The following GALNT15 variants were observed in gnomAD, a reference collection of about 807,000 sequenced individuals.
GALNT15 encodes polypeptide N-acetylgalactosaminyltransferase 15.
A neutral mutation model predicts 66.8 loss-of-function variants in GALNT15; 67 were observed. That is an observed-to-expected ratio of 1.00 (90% CI 0.82 to 1.23). The LOEUF (loss-of-function observed/expected upper bound fraction) is 1.23, where lower values mean the gene tolerates loss of function less well. Ranked by LOEUF, GALNT15 falls within the 50% of genes most tolerant of loss-of-function variation. The pLI, the probability that GALNT15 is intolerant of heterozygous loss-of-function variation, is 0.00. For synonymous variants in GALNT15, 313 were observed against 311.5 expected (o/e 1.00, Z -0.05); for missense variants, 827 against 804.3 (o/e 1.03, Z -0.34).
At chr3:16,196,044 C>A in intron 2 of GALNT15, 118 bp downstream of exon 2, 1 of 1,009,050 alleles carries the variant, frequency 9.9e-7, no homozygotes. Flanking sequence ...AACTACAGAC[C>A]TCCAGATGAG....
rs1229854265 is a variant in GALNT15, at chr3:16,229,103, C to T, written c.*1603C>T. On this transcript the variant is annotated 3_prime_UTR_variant, in exon 10 of 10. Transcript: ENST00000339732. Reference sequence around the variant, plus strand: ...GCTTAGAAATCTTCCCCTAAAGATGCTAATCTCCTTTGGGCTGTCTCAGAA... The same window carrying T: ...GCTTAGAAATCTTCCCCTAAAGATGTTAATCTCCTTTGGGCTGTCTCAGAA... 1.0e-6 allele frequency: 1 copy of T among 985,300 alleles called. No individual in the cohort carries two copies. Among genetic ancestry groups the T allele is most frequent in the African/African-American group, 1.7e-5 (1 of 57,238 alleles). The allele number at this position is 985,300 out of a possible 1,614,324, so 61.0% of individuals were successfully genotyped here.
chr3:16,222,708 T>C lies in GALNT15; in HGVS notation c.1723T>C (p.Cys575Arg). ...VRQEQVILQN[C>R]TEEGLAIHQQ... Reference sequence around the variant, plus strand: ...GCAGGAGCAGGTGATTCTTCAGAACTGCACGGAGGAAGGCCTGGCCATCCA... The same window carrying C: ...GCAGGAGCAGGTGATTCTTCAGAACCGCACGGAGGAAGGCCTGGCCATCCA... The change falls in exon 9 of 10, where the codon TGC (cysteine) becomes CGC (arginine). Residue 575 changes from cysteine (C) to arginine (R), a missense_variant. Cys to Arg is a radical substitution (Grantham distance 180, BLOSUM62 -3). Transcript: ENST00000339732. 6.2e-7 allele frequency: 1 copy of C among 1,614,240 alleles called. No homozygotes were observed. The highest frequency in any genetic ancestry group is 8.5e-7 in the Non-Finnish European group (1 of 1,180,034).
At chr3:16,194,789 A>T (rs148381279) in intron 1 of GALNT15, among the ~76,000 whole-genome samples, 1 of 152,174 alleles carries the variant, frequency 6.6e-6, no homozygotes, top group Admixed American at 6.5e-5. Flanking sequence ...GTGAGAACAC[A>T]TGGACACAGG....
At chr3:16,212,437 C>T (rs1261164184) in intron 5 of GALNT15, 132 bp from the exon 6 acceptor site, 2 of 810,142 alleles carry the variant, frequency 2.5e-6, no homozygotes, top group Non-Finnish European at 3.9e-6. Flanking sequence ...CCCTGAGGAC[C>T]ATAATCATCT....
At chr3:16,237,718 T>C in the GALNT15 span, among the ~76,000 whole-genome samples, 1 of 152,192 alleles carries the variant, frequency 6.6e-6, no homozygotes, top group African/African-American at 2.4e-5. This position sits in a 1 kb window ranked among gnomAD's most constrained non-coding sequence, Gnocchi z 4.2. Flanking sequence ...GAGTCTCCAG[T>C]CAACTCTTTG....
chr3:16,210,068 CA>C (rs1414725853), intron 4 of GALNT15, among the ~76,000 whole-genome samples: 1 of 152,188 alleles, frequency 6.6e-6, no homozygotes, highest in Non-Finnish European at 1.5e-5. Context: ...ACACTGGTCC[CA>C]CAGGTGTCAG....
chr3:16,201,024 C>T (rs539650807), intron 3 of GALNT15, among the ~76,000 whole-genome samples: 27 of 152,264 alleles, frequency 1.8e-4, no homozygotes, highest in South Asian at 1.0e-3. Flanking sequence ...TCTTCATCTA[C>T]CTTGCTTTAT....
Position 16,188,515 on chromosome 3 carries a change from C to T in GALNT15, c.540-7245C>T, listed in dbSNP as rs536143833. Reference sequence around the variant, plus strand: ...TCCTTTTAGGTGGGCCATGTGGTCTCGGGCTCACTGAAGCACCCACAGGGC... The same window carrying T: ...TCCTTTTAGGTGGGCCATGTGGTCTTGGGCTCACTGAAGCACCCACAGGGC... On this transcript the variant is annotated intron_variant, in intron 1 of 9. Transcript: ENST00000339732. This position sits in a 1 kb window ranked among gnomAD's most constrained non-coding sequence, Gnocchi z 4.6. Among the ~76,000 whole-genome samples, 6 of 152,282 alleles carry T rather than the reference C, an allele frequency of 3.9e-5. No homozygotes were observed. The highest frequency in any genetic ancestry group is 1.9e-4 in the East Asian group (1 of 5,182).
intron 9 of GALNT15, among the ~76,000 whole-genome samples, chr3:16,226,493 G>C (rs924732687): frequency 6.6e-6 from 1 of 152,200 alleles, no homozygotes; most frequent in African/African-American, 2.4e-5. Context: ...ATGGCAGAAG[G>C]CGAAGAGGAA....
chr3:16,230,712 C>T (rs2064074431), downstream of GALNT15, among the ~76,000 whole-genome samples: 1 of 152,182 alleles, frequency 6.6e-6, no homozygotes. The surrounding 1 kb of genome is among the most constrained non-coding windows in gnomAD (Gnocchi z 4.5). Context: ...TTATGTTGTT[C>T]TTTCGAAGTT....
At chr3:16,197,289 C>A (rs1436246758) in intron 2 of GALNT15, among the ~76,000 whole-genome samples, 1 of 151,940 alleles carries the variant, frequency 6.6e-6, no homozygotes, top group African/African-American at 2.4e-5. Flanking sequence ...CCCTGCCAAG[C>A]AATTAAGCTG....
At position 16,219,827 on chromosome 3, in the gene GALNT15, A is replaced by ATC; in HGVS notation, c.1525-82_1525-81insCT. 8.5e-7 allele frequency: 1 copy of ATC among 1,178,562 alleles called. No individual in the cohort carries two copies. The highest frequency in any genetic ancestry group is 1.3e-6 in the Non-Finnish European group (1 of 785,520). The allele number at this position is 1,178,562 out of a possible 1,614,324, so 73.0% of individuals were successfully genotyped here. A position where few individuals can be genotyped will look rare whatever the true frequency, so the allele number is the denominator to read the frequency against. On this transcript the variant is annotated intron_variant, in intron 7 of 9. Coordinates refer to ENST00000339732, the MANE Select transcript of GALNT15 (RefSeq NM_054110.5). The surrounding 1 kb of genome is among the most constrained non-coding windows in gnomAD (Gnocchi z 4.3). ...TGTGCCTTGGGCTGCACTCCAGAGA[A>ATC]TACAGCAAAGGAATGGTGTCTGACC...
rs1207507260 is a variant in GALNT15 at position 16,182,238 on chromosome 3, C to G, written c.539+6548C>G. Among the ~76,000 whole-genome samples the G allele has an allele frequency of 6.6e-6, 1 of 152,108 alleles. No homozygotes were observed. The highest frequency in any genetic ancestry group is 1.5e-5 in the Non-Finnish European group (1 of 68,030). ...TGAAATCTCTACTTTAACAGGATCC[C>G]TAGGTGATTTCCATTCATGTTAAAG... is the stretch of plus-strand genomic sequence containing the variant. On this transcript the variant is annotated intron_variant, in intron 1 of 9. Coordinates refer to ENST00000339732, the MANE Select transcript of GALNT15 (RefSeq NM_054110.5). This position sits in a 1 kb window ranked among gnomAD's most constrained non-coding sequence, Gnocchi z 6.1.
At chr3:16,232,123 C>A, downstream of GALNT15, 1 of 537,648 alleles carries the variant, frequency 1.9e-6, no homozygotes, top group Non-Finnish European at 3.1e-6. Context: ...CAACCCAAAC[C>A]ATATGGCTAT....
At chr3:16,185,786 G>A (rs1023230823) in intron 1 of GALNT15, among the ~76,000 whole-genome samples, 3 of 128,132 alleles carry the variant, frequency 2.3e-5, no homozygotes, top group Admixed American at 1.5e-4. Flanking sequence ...TAGATAGATA[G>A]ATAGATGATA....
At chr3:16,213,399 G>C (rs1178263490) in intron 6 of GALNT15, among the ~76,000 whole-genome samples, 42 of 128,714 alleles carry the variant, frequency 3.3e-4, no homozygotes, top group African/African-American at 1.2e-3. Flanking sequence ...AGTTTGAGGT[G>C]AGCTGAGATC....
downstream of GALNT15, among the ~76,000 whole-genome samples, chr3:16,236,184 GAGA>G (rs1434331156): frequency 6.7e-6 from 1 of 149,020 alleles, no homozygotes; most frequent in African/African-American, 2.5e-5. Flanking sequence ...CAGTGGTATG[GAGA>G]AGAATTAATA....
At position 16,175,714 on chromosome 3, in the gene GALNT15, T is replaced by A. The variant is rs761139037; in HGVS notation, c.539+24T>A. On this transcript the variant is annotated intron_variant, in intron 1 of 9. Coordinates refer to ENST00000339732, the MANE Select transcript of GALNT15 (RefSeq NM_054110.5). This position sits in a 1 kb window ranked among gnomAD's most constrained non-coding sequence, Gnocchi z 5.6. ...CTGTAAGTAAGGCCCTTGTTTTCCC[T>A]TCCCTGATCCCAGGGCATGATCGGG... The A allele has an allele frequency of 1.2e-5, 19 of 1,534,020 alleles. No homozygotes were observed. The highest frequency in any genetic ancestry group is 1.1e-5 in the Non-Finnish European group (13 of 1,141,368).
At chr3:16,217,205 G>A (rs1002587097) in intron 6 of GALNT15, among the ~76,000 whole-genome samples, 1 of 152,132 alleles carries the variant, frequency 6.6e-6, no homozygotes, top group Admixed American at 6.5e-5. Flanking sequence ...ATAAGTGCTC[G>A]GCTTACTTTC....
Sources: gnomAD v4.1 joint callset for allele counts (sites outside exome capture counted in the v4.1 genomes callset) on GRCh38, gnomAD v4.1.1 for gene constraint, Gnocchi (gnomAD v3.1) non-coding constraint, MANE v1.5 for transcripts, NCBI Gene and HGNC (gene_info 2026-07-23, HGNC 2026-07-21) for gene names.